The following MGAT4A variants were observed in gnomAD, a reference collection of about 807,000 sequenced individuals.
MGAT4A encodes the protein N-acetylglucosaminyltransferase IVa.
Under a neutral mutation model 74.1 loss-of-function variants are expected in MGAT4A, and 33 were observed. The ratio of observed to expected loss-of-function variants is 0.45; its 90% CI spans 0.34 to 0.60. The LOEUF is 0.60. MGAT4A is among the 20% of genes least tolerant of loss of function. MGAT4A has a pLI of 0.02. For synonymous variants in MGAT4A, 198 were observed against 210.4 expected (o/e 0.94, Z 0.51); for missense variants, 479 against 628.3 (o/e 0.76, Z 2.54).
chr2:98,631,374 A>G (rs939565736), intron 14 of MGAT4A, among the ~76,000 whole-genome samples: 4 of 152,306 alleles, frequency 2.6e-5, no homozygotes, highest in Admixed American at 6.5e-5. Flanking sequence ...CCCTGGCTAG[A>G]GCTCCAACCT....
At chr2:98,715,266 C>A (rs1455224926) in intron 2 of MGAT4A, among the ~76,000 whole-genome samples, 2 of 137,830 alleles carry the variant, frequency 1.5e-5, no homozygotes, top group Non-Finnish European at 3.0e-5. Context: ...TGCAGTGAGC[C>A]AAGATTGTGC....
In MGAT4A at chr2:98,663,259, A is replaced by G. The variant is rs953752807; in HGVS notation, c.404-80T>C. ...AACACTTCTATTTCAAAAGTATTATACCCTCTCAAATTGATAGGAATAACT... is the reference window on the plus strand; with the variant it reads ...AACACTTCTATTTCAAAAGTATTATGCCCTCTCAAATTGATAGGAATAACT... On this transcript the variant is annotated intron_variant, in intron 4 of 15. Transcript: ENST00000393487. The G allele has an allele frequency of 7.2e-6, 11 of 1,523,334 alleles. No homozygotes were observed. The Admixed American group carries it at 1.5e-4, about 20-fold the overall frequency. 94.4% of individuals were successfully genotyped at this position (1,523,334 alleles called of 1,614,324 possible).
intron 8 of MGAT4A, among the ~76,000 whole-genome samples, chr2:98,651,424 T>C (rs904270019): frequency 2.6e-5 from 4 of 152,194 alleles, no homozygotes; most frequent in African/African-American, 7.2e-5. Context: ...ACTGGTGTCA[T>C]TGGTAAAATA....
chr2:98,671,943 CAAAAAAAAAAA>C (rs59955000), intron 4 of MGAT4A, among the ~76,000 whole-genome samples: 7 of 28,638 alleles, frequency 2.4e-4, no homozygotes, highest in South Asian at 2.3e-3. Context: ...GTGGAAAAGG[CAAAAAAAAAAA>C]AAAAAAAAAA....
chr2:98,698,524 A>G (rs989191242), intron 2 of MGAT4A, among the ~76,000 whole-genome samples: 4 of 152,240 alleles, frequency 2.6e-5, no homozygotes, highest in African/African-American at 9.6e-5. Flanking sequence ...CCCAGTATCA[A>G]CGCTCCTTTT....
At chr2:98,685,205 G>A (rs1312535152) in intron 2 of MGAT4A, among the ~76,000 whole-genome samples, 1 of 149,094 alleles carries the variant, frequency 6.7e-6, no homozygotes, top group Non-Finnish European at 1.5e-5. Flanking sequence ...CCACTGAACT[G>A]CAGCCTGGGT....
intron 2 of MGAT4A, among the ~76,000 whole-genome samples, chr2:98,725,247 C>A (rs1177488024): frequency 6.6e-6 from 1 of 152,048 alleles, no homozygotes; most frequent in Non-Finnish European, 1.5e-5. Context: ...CAGAGAAAGA[C>A]AAAGAAGGGG....
At chr2:98,693,602 G>A (rs564842393) in intron 2 of MGAT4A, among the ~76,000 whole-genome samples, 17 of 152,084 alleles carry the variant, frequency 1.1e-4, no homozygotes, top group African/African-American at 3.4e-4. Context: ...ACATACTTGC[G>A]GGGGCTCAGG....
intron 13 of MGAT4A, among the ~76,000 whole-genome samples, chr2:98,635,611 A>G (rs906228472): frequency 1.3e-5 from 2 of 152,330 alleles, no homozygotes; most frequent in East Asian, 3.9e-4. Context: ...CTTAGAGACC[A>G]ATAAATTAAA....
At chr2:98,683,117 A>G (rs1280450733) in intron 2 of MGAT4A, among the ~76,000 whole-genome samples, 2 of 151,914 alleles carry the variant, frequency 1.3e-5, no homozygotes, top group Non-Finnish European at 2.9e-5. Context: ...TAAAAAAAAT[A>G]AATGGCTTCC....
intron 2 of MGAT4A, among the ~76,000 whole-genome samples, chr2:98,679,897 G>A (rs1218661541): frequency 6.6e-6 from 1 of 152,106 alleles, no homozygotes; most frequent in Non-Finnish European, 1.5e-5. Flanking sequence ...CTTGCCTGGA[G>A]GTACTGAATA....
At chr2:98,657,274 T>C (rs1452882285) in intron 6 of MGAT4A, among the ~76,000 whole-genome samples, 1 of 152,254 alleles carries the variant, frequency 6.6e-6, no homozygotes. Flanking sequence ...ATGTTCTTAA[T>C]GTTTAACTGT....
At chr2:98,634,260 G>T (rs747738459) in intron 14 of MGAT4A, among the ~76,000 whole-genome samples, 1 of 152,148 alleles carries the variant, frequency 6.6e-6, no homozygotes, top group African/African-American at 2.4e-5. Context: ...AGGCACATAC[G>T]GGGGGATCTG....
chr2:98,665,727 C>T (rs1257072190), intron 4 of MGAT4A, among the ~76,000 whole-genome samples: 1 of 152,212 alleles, frequency 6.6e-6, no homozygotes, highest in East Asian at 1.9e-4. Flanking sequence ...TTGGTACTGT[C>T]AGAGTGATGA....
At chr2:98,677,952 C>T (rs373985218) in intron 3 of MGAT4A, among the ~76,000 whole-genome samples, 6 of 150,654 alleles carry the variant, frequency 4.0e-5, no homozygotes, top group Admixed American at 3.3e-4. Context: ...CTTTTTCAGC[C>T]GGGTGCAGTG....
rs13421821 is a variant in MGAT4A, at chr2:98,703,928, G to A, written c.94+22311C>T. 2.1e-3 allele frequency among the ~76,000 whole-genome samples: 321 copies of A among 152,246 alleles called. 2 individuals carry two copies. The highest frequency in any genetic ancestry group is 7.6e-3 in the African/African-American group (314 of 41,540). On this transcript the variant is annotated intron_variant, in intron 2 of 15. Coordinates refer to ENST00000393487, the MANE Select transcript of MGAT4A (RefSeq NM_012214.3). ...TGTGACCACTCGCATCTAAACAGCC[G>A]TCATTCCCACCTCAGTCACTTGTCA... is the stretch of plus-strand genomic sequence containing the variant.
At chr2:98,627,995 A>C (rs1050885917) in intron 14 of MGAT4A, among the ~76,000 whole-genome samples, 9 of 152,244 alleles carry the variant, frequency 5.9e-5, no homozygotes, top group Admixed American at 5.9e-4. Flanking sequence ...ATAGGCTTTA[A>C]ATACCTTACA....
chr2:98,639,176 A>G (rs913318377), intron 12 of MGAT4A, among the ~76,000 whole-genome samples: 1 of 152,132 alleles, frequency 6.6e-6, no homozygotes, highest in Non-Finnish European at 1.5e-5. Flanking sequence ...AATCCCAGCT[A>G]CTTCGGAGGC....
intron 14 of MGAT4A, among the ~76,000 whole-genome samples, chr2:98,632,923 C>A (rs535324530): frequency 6.6e-6 from 1 of 152,306 alleles, no homozygotes; most frequent in East Asian, 1.9e-4. Flanking sequence ...CCACACCTGG[C>A]TAATTTTTGT....
Sources: allele counts gnomAD v4.1 joint callset (sites outside exome capture counted in the v4.1 genomes callset), GRCh38; gene constraint gnomAD v4.1.1; transcripts MANE v1.5; gene names NCBI Gene and HGNC (gene_info 2026-07-23, HGNC 2026-07-21).